The following CNTN3 variants were observed in gnomAD, a reference collection of about 807,000 sequenced individuals.
The protein encoded by CNTN3 is contactin 3.
A neutral mutation model predicts 119.1 loss-of-function variants in CNTN3; 60 were observed. That is an observed-to-expected ratio of 0.50 (90% CI 0.41 to 0.62). The LOEUF is 0.62. Among genes scored for constraint, CNTN3 ranks in the 20% least tolerant of loss-of-function variants. The probability of loss-of-function intolerance (pLI) is 0.00; values close to 1 mark genes in which losing one functional copy is unlikely to be tolerated. For missense variants in CNTN3, 1,101 were observed against 1,242.4 expected (o/e 0.89, Z 1.71); for synonymous variants, 450 against 438.7 (o/e 1.03, Z -0.32).
intron 1 of CNTN3, among the ~76,000 whole-genome samples, chr3:74,603,990 CAG>C (rs1457163489): frequency 7.2e-5 from 11 of 152,114 alleles, no homozygotes; most frequent in African/African-American, 1.9e-4. Context: ...CAGAACAGAA[CAG>C]AGAGTCAAGA....
At chr3:74,488,076 C>CT (rs1702891514) in intron 3 of CNTN3, among the ~76,000 whole-genome samples, 1 of 150,038 alleles carries the variant, frequency 6.7e-6, no homozygotes, top group South Asian at 2.1e-4. Context: ...TAATTATGTA[C>CT]TAAGTGTATT....
intron 1 of CNTN3, among the ~76,000 whole-genome samples, chr3:74,600,064 C>T (rs2106702232): frequency 6.6e-6 from 1 of 152,020 alleles, no homozygotes; most frequent in Admixed American, 6.6e-5. Flanking sequence ...CCATGTTTCT[C>T]TCTTTACAAG....
intron 20 of CNTN3, among the ~76,000 whole-genome samples, chr3:74,275,788 C>T (rs1478303640): frequency 6.6e-6 from 1 of 152,042 alleles, no homozygotes; most frequent in East Asian, 1.9e-4. Context: ...GTACCTCACA[C>T]CTCAATACTA....
At chr3:74,449,142 G>A (rs1426313131) in intron 4 of CNTN3, among the ~76,000 whole-genome samples, 1 of 151,862 alleles carries the variant, frequency 6.6e-6, no homozygotes, top group Non-Finnish European at 1.5e-5. Flanking sequence ...AAATCATAAA[G>A]AAATATCTAA....
At chr3:74,301,854 A>C in intron 14 of CNTN3, 49 bp from the exon 15 acceptor site, 40 of 1,575,766 alleles carry the variant, frequency 2.5e-5, no homozygotes, top group Non-Finnish European at 3.0e-5. Flanking sequence ...CATAAATGTC[A>C]TCCTCTCCTA....
chr3:74,533,737 C>G (rs1374286767), intron 1 of CNTN3, among the ~76,000 whole-genome samples: 1 of 151,932 alleles, frequency 6.6e-6, no homozygotes, highest in East Asian at 1.9e-4. Flanking sequence ...TATTTTTGTT[C>G]AAAGCCTAGA....
At chr3:74,400,368 C>T (rs1705160599) in intron 5 of CNTN3, among the ~76,000 whole-genome samples, 1 of 152,154 alleles carries the variant, frequency 6.6e-6, no homozygotes, top group Non-Finnish European at 1.5e-5. Flanking sequence ...GGAACGGCAC[C>T]GTCCCAGTTG....
intron 1 of CNTN3, among the ~76,000 whole-genome samples, chr3:74,540,254 T>G (rs1703823900): frequency 6.6e-6 from 1 of 152,136 alleles, no homozygotes; most frequent in South Asian, 2.1e-4. Flanking sequence ...AGTGGGGGCA[T>G]GTGGAGAAGT....
Position 74,312,455 on chromosome 3 carries a change from C to CAAAAAAAAAAAA in CNTN3, c.1669-9660_1669-9649dup, listed in dbSNP as rs745514119. 4.7e-4 allele frequency among the ~76,000 whole-genome samples: 13 copies of CAAAAAAAAAAAA among 27,804 alleles called. 1 individual carries two copies. Among genetic ancestry groups the CAAAAAAAAAAAA allele is most frequent in the African/African-American group, 1.5e-3 (12 of 7,826 alleles). 18.2% of individuals were successfully genotyped at this position (27,804 alleles called of 152,430 possible). ...TGGGTGACAGAGTGAGACTCCATCTCAAAAAAAAAAAAAAAAAAAAAAAAA... is the reference window on the plus strand; with the variant it reads ...TGGGTGACAGAGTGAGACTCCATCTCAAAAAAAAAAAAAAAAAAAAAAAAAAAAAAAAAAAAA... On this transcript the variant is annotated intron_variant, in intron 13 of 22. Transcript: ENST00000263665.
intron 4 of CNTN3, among the ~76,000 whole-genome samples, chr3:74,479,286 T>A (rs542901101): frequency 6.6e-6 from 1 of 152,110 alleles, no homozygotes; most frequent in South Asian, 2.1e-4. Context: ...ACAAATCAAG[T>A]CATTGTGGAA....
chr3:74,384,729 G>A (rs750927582), intron 5 of CNTN3, among the ~76,000 whole-genome samples: 3 of 152,106 alleles, frequency 2.0e-5, no homozygotes, highest in Non-Finnish European at 4.4e-5. Flanking sequence ...TCTGTTACAA[G>A]TAAAAGAAAC....
rs184933829 is a variant in CNTN3 at position 74,582,118 on chromosome 3, T to C, written c.-81+32273A>G. 2.6e-4 allele frequency among the ~76,000 whole-genome samples: 39 copies of C among 152,096 alleles called. No individual in the cohort carries two copies. In the East Asian group the frequency reaches 7.2e-3, roughly 28 times the overall value. On this transcript the variant is annotated intron_variant, in intron 1 of 22. Transcript: ENST00000263665. The stretch of plus-strand genomic sequence containing the variant: ...TTAAACATTTCTTCTCATAAAAATA[T>C]CATTTAGGCCAGGCATGGTGGCTCA...
chr3:74,557,727 G>GAAAAAAAA (rs5850189), intron 1 of CNTN3, among the ~76,000 whole-genome samples: 1 of 136,978 alleles, frequency 7.3e-6, no homozygotes, highest in Non-Finnish European at 1.5e-5. Context: ...AGCAACAGAT[G>GAAAAAAAA]AAAAAAAAAA....
intron 4 of CNTN3, among the ~76,000 whole-genome samples, chr3:74,440,430 T>C (rs892571520): frequency 6.6e-6 from 1 of 151,452 alleles, no homozygotes; most frequent in Admixed American, 6.6e-5. Flanking sequence ...TGATTTCTGT[T>C]CTCCTGCTAC....
At chr3:74,461,891 G>T (rs960229569) in intron 4 of CNTN3, among the ~76,000 whole-genome samples, 1 of 152,156 alleles carries the variant, frequency 6.6e-6, no homozygotes, top group South Asian at 2.1e-4. Context: ...CTGACCACAT[G>T]GATATTAAGC....
At chr3:74,375,965 G>C (rs1051191832) in intron 5 of CNTN3, among the ~76,000 whole-genome samples, 1 of 152,090 alleles carries the variant, frequency 6.6e-6, no homozygotes, top group Non-Finnish European at 1.5e-5. Flanking sequence ...GTAATCACCA[G>C]GGTCCTTAGA....
intron 4 of CNTN3, among the ~76,000 whole-genome samples, chr3:74,462,544 A>T (rs1274995541): frequency 2.0e-5 from 3 of 152,086 alleles, no homozygotes; most frequent in Non-Finnish European, 4.4e-5. Context: ...CCAACAAATT[A>T]GATTGGATAT....
At chr3:74,420,172 G>A (rs1701594214) in intron 5 of CNTN3, among the ~76,000 whole-genome samples, 1 of 152,188 alleles carries the variant, frequency 6.6e-6, no homozygotes, top group South Asian at 2.1e-4. Flanking sequence ...CCTCTCAGAT[G>A]ACAGCAGTCT....
chr3:74,346,130 C>G (rs1356945059), intron 11 of CNTN3, among the ~76,000 whole-genome samples: 1 of 151,700 alleles, frequency 6.6e-6, no homozygotes, highest in Non-Finnish European at 1.5e-5. Context: ...TAAAAGTAGG[C>G]TAGAGTAACA....
Sources: allele counts gnomAD v4.1 joint callset (sites outside exome capture counted in the v4.1 genomes callset), GRCh38; gene constraint gnomAD v4.1.1; transcripts MANE v1.5; gene names NCBI Gene and HGNC (gene_info 2026-07-23, HGNC 2026-07-21).